Variants in ZFAT observed in about 807,000 individuals in gnomAD.
ZFAT encodes zinc finger protein ZFAT.
In ZFAT, 64 loss-of-function variants were observed where a neutral mutation model predicts 117.7. That is an observed-to-expected ratio of 0.54 (90% CI 0.44 to 0.67). The LOEUF is 0.67. Ranked by LOEUF, ZFAT falls within the 30% of genes least tolerant of loss-of-function variation. The probability of loss-of-function intolerance (pLI) is 0.00; values close to 1 mark genes in which losing one functional copy is unlikely to be tolerated. For missense variants in ZFAT, 1,433 were observed against 1,584.5 expected (o/e 0.90, Z 1.62); for synonymous variants, 679 against 615.0 (o/e 1.10, Z -1.54).
At chr8:134,687,064 G>T (rs1044376683) in intron 1 of ZFAT, among the ~76,000 whole-genome samples, 1 of 152,172 alleles carries the variant, frequency 6.6e-6, no homozygotes, top group African/African-American at 2.4e-5. Context: ...CCACCCTGCA[G>T]GGACACAATA....
chr8:134,726,499 A>G, the ZFAT span, among the ~76,000 whole-genome samples: 1 of 151,856 alleles, frequency 6.6e-6, no homozygotes, highest in Non-Finnish European at 1.5e-5. Context: ...AACGCCACCA[A>G]TTTGCCTCTT....
chr8:134,629,861 CTG>C (rs959323757), intron 3 of ZFAT, among the ~76,000 whole-genome samples: 5 of 152,188 alleles, frequency 3.3e-5, no homozygotes, highest in Non-Finnish European at 7.3e-5. Context: ...GGCAAGTGAA[CTG>C]TGGAGAGAAG....
intron 1 of ZFAT, among the ~76,000 whole-genome samples, chr8:134,665,904 G>C (rs574621115): frequency 6.6e-6 from 1 of 152,330 alleles, no homozygotes; most frequent in Admixed American, 6.5e-5. Flanking sequence ...GGACGGCAGA[G>C]GAGGGAGCTG....
At chr8:134,651,582 T>G (rs1831246253) in intron 2 of ZFAT, among the ~76,000 whole-genome samples, 1 of 152,018 alleles carries the variant, frequency 6.6e-6, no homozygotes, top group African/African-American at 2.4e-5. Context: ...TAAAAAATAG[T>G]GAACTGGAAA....
intron 10 of ZFAT, among the ~76,000 whole-genome samples, chr8:134,573,298 A>C (rs1230226119): frequency 6.6e-6 from 1 of 152,122 alleles, no homozygotes; most frequent in Non-Finnish European, 1.5e-5. Context: ...TAATTTAAAA[A>C]ACGTAAAAAT....
At chr8:134,722,475 C>T in the ZFAT span, among the ~76,000 whole-genome samples, 43 of 152,326 alleles carry the variant, frequency 2.8e-4, no homozygotes, top group African/African-American at 1.0e-3. Context: ...CCTGGCCAGG[C>T]CCTCGTGACT....
At chr8:134,769,535 T>G in the ZFAT span, among the ~76,000 whole-genome samples, 1,098 of 152,316 alleles carry the variant, frequency 7.2e-3, 13 homozygotes, top group African/African-American at 0.025. Flanking sequence ...CCAGCTACTT[T>G]CATTGGATGG....
At chr8:134,757,834 T>A in the ZFAT span, among the ~76,000 whole-genome samples, 1 of 152,128 alleles carries the variant, frequency 6.6e-6, no homozygotes, top group Non-Finnish European at 1.5e-5. Flanking sequence ...CCTAGTACAG[T>A]CATGGTCCCG....
chr8:134,615,377 C>A (rs370597639), intron 3 of ZFAT, among the ~76,000 whole-genome samples: 1 of 152,174 alleles, frequency 6.6e-6, no homozygotes, highest in South Asian at 2.1e-4. Flanking sequence ...TTAGTAGAGA[C>A]GGGGTTTCGC....
At chr8:134,522,844 T>C (rs1299156719) in intron 12 of ZFAT, among the ~76,000 whole-genome samples, 1 of 152,192 alleles carries the variant, frequency 6.6e-6, no homozygotes, top group Non-Finnish European at 1.5e-5. Flanking sequence ...AAGTCCCCTA[T>C]ACTATTGTCG....
intron 11 of ZFAT, among the ~76,000 whole-genome samples, chr8:134,539,226 T>C (rs1202554016): frequency 2.0e-5 from 3 of 152,120 alleles, no homozygotes; most frequent in Non-Finnish European, 4.4e-5. Context: ...GGGAAGCTGG[T>C]GATGAGGTAA....
chr8:134,520,970 T>C lies in ZFAT; in HGVS notation c.3147A>G (p.Val1049=), dbSNP rs114589731. 1.8e-3 allele frequency: 2,970 copies of C among 1,613,792 alleles called. 48 individuals are homozygous for C. In the African/African-American group the frequency reaches 0.034, roughly 19 times the overall value. Residue 1049 remains valine, a synonymous_variant, in exon 13 of 16, where the codon GTA becomes GTG. Transcript: ENST00000377838. ...GGLKCPVCSF[V]YGTKWEFNRH... The stretch of plus-strand genomic sequence containing the variant: ...TATTGAACTCCCATTTGGTGCCATA[T>C]ACAAAGCTGCAAACAGGACACTTCA...
intron 5 of ZFAT, among the ~76,000 whole-genome samples, chr8:134,607,000 A>G (rs1336730613): frequency 6.6e-6 from 1 of 152,230 alleles, no homozygotes; most frequent in Non-Finnish European, 1.5e-5. Context: ...TTTACAAAGT[A>G]AAATCCTTAC....
At chr8:134,795,873 G>A in the ZFAT span, 18 of 152,232 alleles carry the variant, frequency 1.2e-4, no homozygotes, top group African/African-American at 4.3e-4. Flanking sequence ...TGGGTGAGGA[G>A]AGCTGGAGAA....
chr8:134,523,667 C>A (rs937950764), intron 12 of ZFAT, among the ~76,000 whole-genome samples: 13 of 152,198 alleles, frequency 8.5e-5, no homozygotes, highest in African/African-American at 2.9e-4. Context: ...GCTGGCAAGT[C>A]CCGCCTCCCT....
the ZFAT span, among the ~76,000 whole-genome samples, chr8:134,815,204 A>G: frequency 6.6e-6 from 1 of 152,218 alleles, no homozygotes; most frequent in Non-Finnish European, 1.5e-5. Flanking sequence ...CAATTGCCAC[A>G]TGGACTCATA....
At chr8:134,684,408 A>C (rs553561639) in intron 1 of ZFAT, among the ~76,000 whole-genome samples, 1 of 152,368 alleles carries the variant, frequency 6.6e-6, no homozygotes, top group African/African-American at 2.4e-5. Flanking sequence ...TCTCCATCTT[A>C]CAGGAGGAAG....
At chr8:134,772,511 G>A in the ZFAT span, among the ~76,000 whole-genome samples, 3 of 152,330 alleles carry the variant, frequency 2.0e-5, no homozygotes, top group South Asian at 2.1e-4. Flanking sequence ...GGCAGAGGAT[G>A]AGAAAGCTGC....
At chr8:134,668,502 T>G (rs559231414) in intron 1 of ZFAT, among the ~76,000 whole-genome samples, 3 of 152,304 alleles carry the variant, frequency 2.0e-5, no homozygotes, top group African/African-American at 7.2e-5. Context: ...GGGTCTGGAG[T>G]GGACCTCCAG....
Sources: allele counts gnomAD v4.1 joint callset (sites outside exome capture counted in the v4.1 genomes callset), GRCh38; gene constraint gnomAD v4.1.1; transcripts MANE v1.5; gene names NCBI Gene and HGNC (gene_info 2026-07-23, HGNC 2026-07-21).